SMYD3: variants seen among roughly 807,000 people sequenced by gnomAD.
The protein encoded by SMYD3 is histone-lysine N-methyltransferase SMYD3.
Under a neutral mutation model 57.7 loss-of-function variants are expected in SMYD3, and 36 were observed. The ratio of observed to expected loss-of-function variants is 0.62; its 90% confidence interval spans 0.48 to 0.82. SMYD3 has a LOEUF of 0.82. Ranked by LOEUF, SMYD3 falls within the 40% of genes least tolerant of loss-of-function variation. SMYD3 has a pLI of 0.00. For synonymous variants in SMYD3, 211 were observed against 195.0 expected (o/e 1.08, Z -0.68); for missense variants, 515 against 538.8 (o/e 0.96, Z 0.44).
At chr1:246,196,177 A>G (rs965094849) in intron 5 of SMYD3, among the ~76,000 whole-genome samples, 11 of 152,106 alleles carry the variant, frequency 7.2e-5, no homozygotes, top group African/African-American at 2.4e-4. Flanking sequence ...ATTTGCCCAG[A>G]ATACATCTGA....
At chr1:245,899,407 AC>A (rs2054040759) in intron 8 of SMYD3, among the ~76,000 whole-genome samples, 1 of 152,220 alleles carries the variant, frequency 6.6e-6, no homozygotes, top group South Asian at 2.1e-4. Flanking sequence ...ACTCTCTTCC[AC>A]TAGAAAATAT....
At chr1:246,393,145 G>A (rs78406768) in intron 1 of SMYD3, among the ~76,000 whole-genome samples, 5,419 of 151,956 alleles carry the variant, frequency 0.036, 143 homozygotes, top group Non-Finnish European at 0.049. Flanking sequence ...TTAGAAAGAA[G>A]GAAAATGTTC....
chr1:245,767,052 A>G (rs772706677), intron 10 of SMYD3, among the ~76,000 whole-genome samples: 1 of 152,206 alleles, frequency 6.6e-6, no homozygotes, highest in African/African-American at 2.4e-5. Context: ...TATAACTCCA[A>G]GGAAAGCTGG....
Position 246,439,179 on chromosome 1 carries a change from C to T in SMYD3, c.164+67875G>A, listed in dbSNP as rs144894683. On this transcript the variant is annotated intron_variant, in intron 1 of 11. Transcript: ENST00000490107. ...GTCTTGCTATGTTGCCCAGGCTGGC[C>T]CCAAACTCCTGGGCTCAAGCAATCC... is the stretch of plus-strand genomic sequence containing the variant. 3.8e-3 allele frequency among the ~76,000 whole-genome samples: 571 copies of T among 151,604 alleles called. 7 individuals carry two copies. Among genetic ancestry groups the T allele is most frequent in the African/African-American group, 0.012 (497 of 41,258 alleles).
At chr1:246,122,979 A>T (rs1057462981) in intron 5 of SMYD3, among the ~76,000 whole-genome samples, 3 of 152,174 alleles carry the variant, frequency 2.0e-5, no homozygotes, top group Non-Finnish European at 4.4e-5. Flanking sequence ...TTTTGATTTT[A>T]CTTTGATTTC....
intron 4 of SMYD3, among the ~76,000 whole-genome samples, chr1:246,330,139 T>C (rs1407225722): frequency 6.6e-6 from 1 of 151,952 alleles, no homozygotes; most frequent in East Asian, 1.9e-4. Flanking sequence ...TAATCACTCT[T>C]CTCTGACATC....
At chr1:246,455,703 T>C (rs777205900) in intron 1 of SMYD3, among the ~76,000 whole-genome samples, 19 of 152,246 alleles carry the variant, frequency 1.2e-4, no homozygotes, top group Admixed American at 5.2e-4. Context: ...TTGAGAGCAA[T>C]AGACAACTGG....
At chr1:246,344,635 T>G (rs974878881) in intron 2 of SMYD3, among the ~76,000 whole-genome samples, 1 of 152,218 alleles carries the variant, frequency 6.6e-6, no homozygotes, top group African/African-American at 2.4e-5. Context: ...ACCTTTAACA[T>G]TATTACAAAC....
At chr1:245,768,718 C>T (rs886451812) in intron 10 of SMYD3, among the ~76,000 whole-genome samples, 17 of 152,152 alleles carry the variant, frequency 1.1e-4, no homozygotes, top group African/African-American at 2.4e-4. Flanking sequence ...ACAGGTTTCA[C>T]GAAGTGTTCA....
At chr1:246,284,517 C>A (rs1020352431) in intron 5 of SMYD3, among the ~76,000 whole-genome samples, 4 of 151,560 alleles carry the variant, frequency 2.6e-5, no homozygotes, top group Non-Finnish European at 5.9e-5. Context: ...CCTGGGTTCA[C>A]GCCATTCTCC....
intron 5 of SMYD3, among the ~76,000 whole-genome samples, chr1:246,125,881 G>GT (rs2061501309): frequency 6.6e-6 from 1 of 152,006 alleles, no homozygotes; most frequent in Admixed American, 6.5e-5. Flanking sequence ...AACATAATTT[G>GT]TAATTCGAGT....
intron 10 of SMYD3, among the ~76,000 whole-genome samples, chr1:245,833,091 C>T (rs111273564): frequency 0.02 from 2,406 of 122,978 alleles, 92 homozygotes; most frequent in African/African-American, 0.059. Flanking sequence ...TTTTATAATG[C>T]TGATTCATAA....
chr1:245,816,517 TAAAAAAAAAA>T (rs35612835), intron 10 of SMYD3, among the ~76,000 whole-genome samples: 2 of 100,214 alleles, frequency 2.0e-5, no homozygotes, highest in Admixed American at 2.3e-4. Flanking sequence ...TTCATCTATG[TAAAAAAAAAA>T]AAAAAAAAAA....
intron 1 of SMYD3, among the ~76,000 whole-genome samples, chr1:246,415,678 C>T (rs2067050998): frequency 6.6e-6 from 1 of 152,196 alleles, no homozygotes; most frequent in African/African-American, 2.4e-5. Flanking sequence ...CCTGCCTCAG[C>T]CTCCCAAGTA....
At chr1:245,869,212 A>T (rs1263043119) in intron 8 of SMYD3, among the ~76,000 whole-genome samples, 1 of 152,188 alleles carries the variant, frequency 6.6e-6, no homozygotes, top group African/African-American at 2.4e-5. Context: ...TTAAACATCA[A>T]ATATACTATT....
intron 5 of SMYD3, among the ~76,000 whole-genome samples, chr1:246,095,378 G>T (rs144221139): frequency 3.4e-4 from 52 of 152,288 alleles, no homozygotes; most frequent in African/African-American, 1.2e-3. Flanking sequence ...GCACTCCAAG[G>T]GCAGAAGTGA....
chr1:245,956,473 G>A (rs2057844019), intron 5 of SMYD3, among the ~76,000 whole-genome samples: 3 of 152,328 alleles, frequency 2.0e-5, no homozygotes, highest in African/African-American at 4.8e-5. Flanking sequence ...GACGTGTGAC[G>A]TGTTGGGTGC....
chr1:246,297,167 T>C (rs902146207), intron 5 of SMYD3, among the ~76,000 whole-genome samples: 1 of 151,778 alleles, frequency 6.6e-6, no homozygotes, highest in Admixed American at 6.6e-5. Flanking sequence ...AAAAACAATG[T>C]GAAAAAGAAA....
chr1:245,761,237 G>A (rs1344399961), intron 11 of SMYD3, among the ~76,000 whole-genome samples: 9 of 152,146 alleles, frequency 5.9e-5, no homozygotes, highest in Non-Finnish European at 1.3e-4. Context: ...CTATCAGGGT[G>A]TATGCCTGAG....
Sources: gnomAD v4.1 joint callset for allele counts (sites outside exome capture counted in the v4.1 genomes callset) on GRCh38, gnomAD v4.1.1 for gene constraint, MANE v1.5 for transcripts, NCBI Gene and HGNC (gene_info 2026-07-23, HGNC 2026-07-21) for gene names.